Variants in CHAT observed in about 807,000 individuals in gnomAD.
CHAT encodes the protein choline O-acetyltransferase, also known as acetyl CoA:choline O-acetyltransferase.
A neutral mutation model predicts 76.9 loss-of-function variants in CHAT; 61 were observed. The observed-to-expected ratio is 0.79, with a 90% CI of 0.65 to 0.98. The LOEUF (loss-of-function observed/expected upper bound fraction) is 0.98, where lower values mean the gene tolerates loss of function less well. Ranked by LOEUF, CHAT falls within the 50% of genes least tolerant of loss-of-function variation. CHAT has a pLI of 0.00. For missense variants in CHAT, 946 were observed against 986.9 expected (o/e 0.96, Z 0.56); for synonymous variants, 407 against 397.4 (o/e 1.02, Z -0.29).
In CHAT at chr10:49,665,138, C is replaced by T. The variant is rs1168821265; in HGVS notation, c.*92C>T. The T allele has an allele frequency of 2.6e-5, 36 of 1,390,944 alleles. No individual in the cohort carries two copies. Among genetic ancestry groups the T allele is most frequent in the Non-Finnish European group, 3.5e-5 (34 of 985,144 alleles). The allele number at this position is 1,390,944 out of a possible 1,614,324, so 86.2% of individuals were successfully genotyped here. On this transcript the variant is annotated 3_prime_UTR_variant, in exon 15 of 15. Transcript: ENST00000337653. ...TCCCGTCCCTTACCCCAGCTTTCCA[C>T]AGCTCCCTGTCCTCAGGGTCCAACT... is the stretch of plus-strand genomic sequence containing the variant.
intron 13 of CHAT, among the ~76,000 whole-genome samples, chr10:49,657,074 C>T (rs1330514564): frequency 1.3e-5 from 2 of 152,200 alleles, no homozygotes; most frequent in Non-Finnish European, 2.9e-5. Flanking sequence ...TGGCGACTGA[C>T]TCAGCAAACA....
At chr10:49,629,946 C>G (rs17010197) in intron 7 of CHAT, among the ~76,000 whole-genome samples, 14,106 of 152,142 alleles carry the variant, frequency 0.093, 2,094 homozygotes, top group African/African-American at 0.32. Context: ...AGACCAGTGA[C>G]GTCAAGGCCA....
intron 9 of CHAT, 88 bp from the exon 10 acceptor site, chr10:49,649,420 A>G (rs1839791141): frequency 6.3e-7 from 1 of 1,589,728 alleles, no homozygotes; most frequent in Non-Finnish European, 8.6e-7. Context: ...AAACACTGAC[A>G]GCTAAGATGA....
At chr10:49,664,031 G>C (rs1840277614) in intron 14 of CHAT, among the ~76,000 whole-genome samples, 1 of 152,182 alleles carries the variant, frequency 6.6e-6, no homozygotes, top group African/African-American at 2.4e-5. Flanking sequence ...AACAAACCAG[G>C]CCCTGCACCT....
intron 13 of CHAT, among the ~76,000 whole-genome samples, chr10:49,661,564 G>T (rs769747777): frequency 1.3e-5 from 2 of 152,158 alleles, no homozygotes; most frequent in South Asian, 4.1e-4. Context: ...AACGTGCCTT[G>T]TAAACCTATA....
In CHAT at chr10:49,636,981, G is replaced by T. The variant is rs73319454; in HGVS notation, c.1111+9196G>T. Among the ~76,000 whole-genome samples, 881 of 151,938 alleles carry T rather than the reference G, an allele frequency of 5.8e-3. 10 individuals carry two copies. Among genetic ancestry groups the T allele is most frequent in the African/African-American group, 0.02 (836 of 41,472 alleles). The stretch of plus-strand genomic sequence containing the variant: ...TCTTATTATACTTTTGATGTCTGCA[G>T]GGTCTGTAGTGATATCCTGTTTCAT... On this transcript the variant is annotated intron_variant, in intron 7 of 14. Transcript: ENST00000337653.
intron 7 of CHAT, among the ~76,000 whole-genome samples, chr10:49,631,046 T>C (rs544883202): frequency 2.0e-5 from 3 of 152,336 alleles, no homozygotes; most frequent in Middle Eastern, 3.4e-3. Flanking sequence ...AACATTGTTA[T>C]GTGATCTTCC....
chr10:49,630,057 T>C (rs552215780), intron 7 of CHAT, among the ~76,000 whole-genome samples: 3 of 151,936 alleles, frequency 2.0e-5, no homozygotes, highest in African/African-American at 7.3e-5. Flanking sequence ...GGGTACAGGA[T>C]GGAGAAATCA....
At chr10:49,633,337 A>T (rs1406684473) in intron 7 of CHAT, among the ~76,000 whole-genome samples, 1 of 152,246 alleles carries the variant, frequency 6.6e-6, no homozygotes, top group Non-Finnish European at 1.5e-5. Context: ...CAGAGCATCC[A>T]GGTCCCCCTC....
At chr10:49,662,850 C>A (rs1035727721) in intron 14 of CHAT, 68 bp downstream of exon 14, 2 of 1,592,480 alleles carry the variant, frequency 1.3e-6, no homozygotes, top group East Asian at 2.2e-5. Context: ...GCAGTGACAA[C>A]AAGCCCACTA....
chr10:49,610,018 CGGGCGGGGGGCAGGCAGG>C (rs921861665), upstream of CHAT, among the ~76,000 whole-genome samples: 1 of 150,670 alleles, frequency 6.6e-6, no homozygotes, highest in Non-Finnish European at 1.5e-5. Flanking sequence ...CCTAGAACCG[CGGGCGGGGGGCAGGCAGG>C]GGGCGGGGGG....
chr10:49,650,730 T>G (rs1236587039), intron 10 of CHAT, among the ~76,000 whole-genome samples: 1 of 152,004 alleles, frequency 6.6e-6, no homozygotes, highest in Non-Finnish European at 1.5e-5. Flanking sequence ...GAAGGGCACA[T>G]GTGAGCAGGA....
intron 13 of CHAT, among the ~76,000 whole-genome samples, chr10:49,660,179 G>T (rs530214883): frequency 6.6e-6 from 1 of 152,040 alleles, no homozygotes. Flanking sequence ...AGTGGCTCAC[G>T]CCTGTAATCC....
intron 4 of CHAT, among the ~76,000 whole-genome samples, chr10:49,621,794 G>A (rs367751446): frequency 6.6e-6 from 1 of 151,970 alleles, no homozygotes; most frequent in South Asian, 2.1e-4. Context: ...TCGACCCCCA[G>A]TTCTCACCAA....
chr10:49,651,358 G>A (rs762097596), intron 10 of CHAT, among the ~76,000 whole-genome samples: 42 of 151,746 alleles, frequency 2.8e-4, no homozygotes, highest in Non-Finnish European at 5.0e-4. Context: ...GTGTGGGCTC[G>A]GGGTTCCCAC....
intron 7 of CHAT, among the ~76,000 whole-genome samples, chr10:49,642,900 A>G (rs1839533716): frequency 6.6e-6 from 1 of 152,184 alleles, no homozygotes; most frequent in Non-Finnish European, 1.5e-5. Context: ...TGCTCTGACC[A>G]CACTGAGCTC....
chr10:49,623,526 G>A (rs1389805036), intron 5 of CHAT, among the ~76,000 whole-genome samples: 2 of 152,160 alleles, frequency 1.3e-5, no homozygotes, highest in African/African-American at 4.8e-5. Context: ...CCCTCAAAAT[G>A]TCCTTAGACT....
At chr10:49,618,728 C>G (rs996505525) in intron 2 of CHAT, among the ~76,000 whole-genome samples, 1 of 152,134 alleles carries the variant, frequency 6.6e-6, no homozygotes, top group Non-Finnish European at 1.5e-5. Flanking sequence ...GCACAGCATG[C>G]GTATAGAAGG....
chr10:49,612,198 T>C, upstream of CHAT: 1 of 1,609,242 alleles, frequency 6.2e-7, no homozygotes. Flanking sequence ...ATGTGCTGCT[T>C]GATGAGCCAC....
Sources: gnomAD v4.1 joint callset for allele counts (sites outside exome capture counted in the v4.1 genomes callset) on GRCh38, gnomAD v4.1.1 for gene constraint, MANE v1.5 for transcripts, NCBI Gene and HGNC (gene_info 2026-07-23, HGNC 2026-07-21) for gene names.